The following NEK4 variants were observed in gnomAD, a reference collection of about 807,000 sequenced individuals.
NEK4 encodes the protein NIMA related kinase 4.
Under a neutral mutation model 98.4 loss-of-function variants are expected in NEK4, and 86 were observed. That is an observed-to-expected ratio of 0.87 (90% CI 0.73 to 1.05). NEK4 has a LOEUF of 1.05. Ranked by LOEUF, NEK4 falls within the 50% of genes least tolerant of loss-of-function variation. The pLI is 0.00. For missense variants in NEK4, 898 were observed against 950.3 expected, an observed-to-expected ratio of 0.94 and a Z score of 0.72; for synonymous variants, 328 against 342.2, an observed-to-expected ratio of 0.96 and a Z score of 0.46.
At chr3:52,733,553 T>C (rs2097371989) in intron 15 of NEK4, 2 of 506,798 alleles carry the variant, frequency 3.9e-6, no homozygotes, top group Non-Finnish European at 7.9e-6. Flanking sequence ...GGCAAGGTCT[T>C]TGGTCAATTG....
intron 6 of NEK4, among the ~76,000 whole-genome samples, chr3:52,757,522 C>T (rs908795965): frequency 4.7e-5 from 7 of 149,102 alleles, no homozygotes; most frequent in Admixed American, 6.8e-5. Context: ...TGTGCCACTG[C>T]GCTCCAACCT....
chr3:52,770,626 C>A (rs1347032828), intron 1 of NEK4, 28 bp downstream of exon 1: 5 of 1,482,694 alleles, frequency 3.4e-6, no homozygotes. Context: ...CCCGCCCCCG[C>A]CCCTTGCCGG....
chr3:52,742,938 C>T (rs982852353), intron 12 of NEK4, among the ~76,000 whole-genome samples: 5 of 152,160 alleles, frequency 3.3e-5, no homozygotes, highest in South Asian at 2.1e-4. Flanking sequence ...TACAGGTGTG[C>T]GCCACCTTGC....
At chr3:52,746,345 C>G in intron 9 of NEK4, 135 bp from the exon 10 acceptor site, 3 of 807,966 alleles carry the variant, frequency 3.7e-6, no homozygotes, top group Non-Finnish European at 5.8e-6. Context: ...TTTGGAAAGA[C>G]TCTGCCAAAA....
intron 15 of NEK4, among the ~76,000 whole-genome samples, chr3:52,724,926 A>C (rs11714088): frequency 0.34 from 52,352 of 152,104 alleles, 10,006 homozygotes; most frequent in Admixed American, 0.46. Context: ...GTACTCTATA[A>C]ATATGTACAA....
At chr3:52,724,232 A>AACAAACACACACACACACAC (rs2097362505) in intron 15 of NEK4, among the ~76,000 whole-genome samples, 1 of 145,202 alleles carries the variant, frequency 6.9e-6, no homozygotes, top group Admixed American at 6.9e-5. Context: ...TTTGTCTTAA[A>AACAAACACACACACACACAC]ACACACACAC....
rs139449613 is a variant in NEK4 at position 52,760,831 on chromosome 3, T to C, written c.927A>G (p.Gln309=). 1.6e-5 allele frequency: 25 copies of C among 1,610,918 alleles called. No individual in the cohort carries two copies. In the African/African-American group the frequency reaches 1.7e-4, roughly 11 times the overall value. Residue 309 remains glutamine, a synonymous_variant, in exon 6 of 16, where the codon CAA becomes CAG. Transcript: ENST00000233027. ...AESNHEVIHP[Q]PLSSEGSQTY... The stretch of plus-strand genomic sequence containing the variant: ...TCTGGGAGCCCTCAGAAGAGAGTGG[T>C]TGGGGGTGGATTACTTCATGATTTG...
At chr3:52,737,403 G>A (rs553213511) in intron 15 of NEK4, 183 bp downstream of exon 15, 6 of 558,624 alleles carry the variant, frequency 1.1e-5, no homozygotes, top group Non-Finnish European at 1.9e-5. Flanking sequence ...AGGGCTTCTT[G>A]GGGCGTAATG....
In NEK4 at chr3:52,746,122, T is replaced by C. The variant is rs1167789362; in HGVS notation, c.1766A>G (p.Gln589Arg). 3 of 1,614,096 alleles carry C rather than the reference T, an allele frequency of 1.9e-6. No homozygotes were observed. Among genetic ancestry groups the C allele is most frequent in the Admixed American group, 1.7e-5 (1 of 60,006 alleles). ...VTSTQKEAEN[Q>R]RRVVTGSVSS... is the part of the protein sequence containing the mutation. Reference sequence around the variant, plus strand: ...CACAGACCCAGTGACCACTCTACGTTGGTTTTCAGCCTCTTTTTGTGTTGA... The same window carrying C: ...CACAGACCCAGTGACCACTCTACGTCGGTTTTCAGCCTCTTTTTGTGTTGA... Residue 589 changes from glutamine (Q) to arginine (R), a missense_variant, in exon 10 of 16, where the codon CAA (glutamine) becomes CGA (arginine). Gln to Arg is a conservative substitution (Grantham distance 43). Coordinates refer to ENST00000233027, the MANE Select transcript of NEK4 (RefSeq NM_003157.6).
At chr3:52,732,875 G>T (rs1431037217) in intron 15 of NEK4, 1 of 230,094 alleles carries the variant, frequency 4.3e-6, no homozygotes, top group South Asian at 8.1e-5. Context: ...TACAGAAAAT[G>T]AGCCTATTAA....
At position 52,729,256 on chromosome 3, in the gene NEK4, T is replaced by C. The variant is rs138826006; in HGVS notation, c.2433+8330A>G. On this transcript the variant is annotated intron_variant, in intron 15 of 15. Transcript: ENST00000233027. ...TGTGATGTCACCCCCAGAGGCCCAG[T>C]ACAAAAATTCCTCTCTTTGTACTCT... is the stretch of plus-strand genomic sequence containing the variant. 5.6e-4 allele frequency among the ~76,000 whole-genome samples: 85 copies of C among 152,232 alleles called. 3 individuals are homozygous for C. The East Asian group carries it at 0.016, about 29-fold the overall frequency.
At chr3:52,764,459 A>G (rs991659295) in intron 4 of NEK4, among the ~76,000 whole-genome samples, 4 of 150,620 alleles carry the variant, frequency 2.7e-5, no homozygotes, top group South Asian at 2.1e-4. Context: ...GTGAAACCCC[A>G]TCTCTACTAA....
In NEK4 at chr3:52,764,480, A is replaced by G. The variant is rs188249136; in HGVS notation, c.667-856T>C. 1.8e-3 allele frequency among the ~76,000 whole-genome samples: 267 copies of G among 150,036 alleles called. 2 individuals carry two copies. The highest frequency in any genetic ancestry group is 1.8e-3 in the Admixed American group (27 of 15,064). ...CCCCATCTCTACTAAAAATACAAAA[A>G]AGTGGACGGGCGTGGTGGCGGGCAC... On this transcript the variant is annotated intron_variant, in intron 4 of 15. Transcript: ENST00000233027.
chr3:52,746,632 T>A (rs1427077414), intron 9 of NEK4, 102 bp downstream of exon 9: 4 of 1,017,660 alleles, frequency 3.9e-6, no homozygotes, highest in African/African-American at 1.6e-5. Context: ...CTGTATTATG[T>A]TCCTTGCATT....
At chr3:52,746,244 A>G (rs753032762) in intron 9 of NEK4, 34 bp from the exon 10 acceptor site, 1 of 1,598,684 alleles carries the variant, frequency 6.3e-7, no homozygotes, top group Non-Finnish European at 8.6e-7. Flanking sequence ...TATCAGTTTC[A>G]TATATAGCCC....
chr3:52,768,503 A>C lies in NEK4; in HGVS notation c.195T>G (p.Ile65Met). 6.2e-7 allele frequency: 1 copy of C among 1,614,198 alleles called. No homozygotes were observed. The highest frequency in any genetic ancestry group is 8.5e-7 in the Non-Finnish European group (1 of 1,180,028). ...CTTCCCATGACTCCTTGTAGGTGAC[A>C]ATGTTGGGATGCTTCAACTGAGACA... is the stretch of plus-strand genomic sequence containing the variant. ...QLLSQLKHPN[I>M]VTYKESWEGG... The change falls in exon 2 of 16, where the codon ATT becomes ATG. Residue 65 changes from isoleucine (I) to methionine (M), a missense_variant. Physicochemically the swap from Ile to Met is conservative, Grantham distance 10 (BLOSUM62 1). Transcript: ENST00000233027.
chr3:52,765,309 C>T (rs1191207242), intron 4 of NEK4, among the ~76,000 whole-genome samples: 1 of 151,260 alleles, frequency 6.6e-6, no homozygotes, highest in Non-Finnish European at 1.5e-5. Flanking sequence ...TGAGATCATG[C>T]CATTGCACTC....
intron 12 of NEK4, 50 bp downstream of exon 12, chr3:52,743,302 C>G (rs1363731979): frequency 1.5e-5 from 21 of 1,432,100 alleles, no homozygotes; most frequent in Non-Finnish European, 2.1e-5. Flanking sequence ...CTGCATTAGG[C>G]CTGCCAGATG....
chr3:52,752,098 C>A lies in NEK4; in HGVS notation c.1202G>T (p.Cys401Phe), dbSNP rs1248139319. The A allele has an allele frequency of 1.2e-6, 2 of 1,614,224 alleles. No homozygotes were observed. The highest frequency in any genetic ancestry group is 2.2e-5 in the South Asian group (2 of 91,086). ...CTCCTCTTCCACTTGAGAAATACTG[C>A]ATATACCTCCTAACTCATTAGAGGC... ...LDASNELGGI[C>F]SISQVEEEML... The change falls in exon 7 of 16, where the codon TGC becomes TTC. Residue 401 changes from cysteine (C) to phenylalanine (F), a missense_variant. Transcript: ENST00000233027.
Sources: allele counts gnomAD v4.1 joint callset (sites outside exome capture counted in the v4.1 genomes callset), GRCh38; gene constraint gnomAD v4.1.1; transcripts MANE v1.5; gene names NCBI Gene and HGNC (gene_info 2026-07-23, HGNC 2026-07-21).